Variants in PPP2R2C observed in about 807,000 individuals in gnomAD.
PPP2R2C encodes protein phosphatase 2, regulatory subunit B, gamma.
In PPP2R2C, 10 loss-of-function variants were observed where a neutral mutation model predicts 45.3. The observed-to-expected ratio is 0.22, with a 90% confidence interval of 0.14 to 0.37. PPP2R2C has a LOEUF of 0.37. PPP2R2C is among the 10% of genes least tolerant of loss of function. The pLI is 1.00. For missense variants in PPP2R2C, 308 were observed against 619.7 expected (o/e 0.50, Z 5.34); for synonymous variants, 257 against 245.4 (o/e 1.05, Z -0.44).
chr4:6,524,905 A>C (rs886220188), intron 2 of PPP2R2C, among the ~76,000 whole-genome samples: 8 of 151,982 alleles, frequency 5.3e-5, no homozygotes, highest in Non-Finnish European at 1.2e-4. Flanking sequence ...CCTGGGCAAC[A>C]TAGCAAGACC....
chr4:6,325,427 C>T (rs557008224), intron 8 of PPP2R2C, among the ~76,000 whole-genome samples: 1 of 152,288 alleles, frequency 6.6e-6, no homozygotes, highest in East Asian at 1.9e-4. Flanking sequence ...AGGGCCCTGC[C>T]CAGGCGCCAC....
chr4:6,411,007 A>G (rs1368227149), intron 1 of PPP2R2C, among the ~76,000 whole-genome samples: 2 of 152,024 alleles, frequency 1.3e-5, no homozygotes, highest in African/African-American at 4.8e-5. Context: ...AGTAGCTGGG[A>G]CTACAGGCGC....
intron 2 of PPP2R2C, among the ~76,000 whole-genome samples, chr4:6,480,336 C>A (rs911224364): frequency 1.3e-5 from 2 of 152,086 alleles, no homozygotes; most frequent in African/African-American, 4.8e-5. Context: ...AATGGTGTGC[C>A]GGAGCTTGCC....
intron 1 of PPP2R2C, among the ~76,000 whole-genome samples, chr4:6,451,075 C>A (rs1720710646): frequency 1.3e-5 from 2 of 152,246 alleles, no homozygotes; most frequent in African/African-American, 4.8e-5. Context: ...ACCACCCAAG[C>A]TGGTCAGGCG....
chr4:6,457,048 A>G (rs1721077842), intron 1 of PPP2R2C, among the ~76,000 whole-genome samples: 1 of 152,110 alleles, frequency 6.6e-6, no homozygotes, highest in Non-Finnish European at 1.5e-5. Context: ...GTCTCTACTA[A>G]AAATACAAAA....
chr4:6,415,296 C>T (rs1283825909), intron 1 of PPP2R2C, among the ~76,000 whole-genome samples: 4 of 152,364 alleles, frequency 2.6e-5, no homozygotes, highest in South Asian at 2.1e-4. Context: ...GTCAGACCAC[C>T]GGCCGTTTCA....
intron 2 of PPP2R2C, among the ~76,000 whole-genome samples, chr4:6,525,203 G>A (rs1202626313): frequency 1.3e-5 from 2 of 152,128 alleles, no homozygotes; most frequent in Admixed American, 6.5e-5. Context: ...TCAGGAGTTC[G>A]AGGCCAGCCT....
intron 1 of PPP2R2C, among the ~76,000 whole-genome samples, chr4:6,414,784 C>T (rs776883539): frequency 5.8e-4 from 89 of 152,140 alleles, no homozygotes; most frequent in Non-Finnish European, 1.0e-3. Flanking sequence ...ATCACTCCTT[C>T]CTGGCTGTGC....
chr4:6,460,350 G>A lies in PPP2R2C; in HGVS notation c.70+11810C>T, dbSNP rs974487937. On this transcript the variant is annotated intron_variant, in intron 1 of 8. Transcript: ENST00000382599. ...CCATGTGAAGACACAGTAGGGAGAT[G>A]TTCATCTATAAGCCAAGGAGAGGGG... Among the ~76,000 whole-genome samples, 5 of 152,176 alleles carry A rather than the reference G, an allele frequency of 3.3e-5. No individual in the cohort carries two copies. The East Asian group carries it at 9.6e-4, about 29-fold the overall frequency.
At chr4:6,456,440 G>A (rs919361252) in intron 1 of PPP2R2C, among the ~76,000 whole-genome samples, 2 of 152,056 alleles carry the variant, frequency 1.3e-5, no homozygotes, top group African/African-American at 2.4e-5. Context: ...AGAGTCTGAC[G>A]ATATGGGACA....
intron 2 of PPP2R2C, among the ~76,000 whole-genome samples, chr4:6,492,217 C>T (rs1011958639): frequency 3.9e-5 from 6 of 152,208 alleles, no homozygotes; most frequent in African/African-American, 1.4e-4. Flanking sequence ...CAGCCAGTAG[C>T]AGCTCCAAGG....
chr4:6,527,368 G>T (rs936046719), intron 2 of PPP2R2C, among the ~76,000 whole-genome samples: 2 of 152,152 alleles, frequency 1.3e-5, no homozygotes, highest in East Asian at 3.9e-4. Flanking sequence ...CCACAGAGCT[G>T]CTGTGCACCC....
At chr4:6,538,666 G>T (rs910793428) in intron 1 of PPP2R2C, among the ~76,000 whole-genome samples, 1 of 152,250 alleles carries the variant, frequency 6.6e-6, no homozygotes, top group African/African-American at 2.4e-5. Context: ...GGGGCTCAGG[G>T]TTCAGGCTTG....
Position 6,324,696 on chromosome 4 carries a change from A to G in PPP2R2C, c.1053-1103T>C, listed in dbSNP as rs1731813109. ...GGCTCGCTGCCCTCACCGTCCCGCT[A>G]AAGAGAATTCCACACCATTTCTCTG... is the stretch of plus-strand genomic sequence containing the variant. On this transcript the variant is annotated intron_variant, in intron 8 of 8. Coordinates refer to ENST00000382599, the MANE Select transcript of PPP2R2C (RefSeq NM_020416.4). The surrounding 1 kb of genome is among the most constrained non-coding windows in gnomAD (Gnocchi z 4.1). Among the ~76,000 whole-genome samples, 1 of 152,176 alleles carries G rather than the reference A, an allele frequency of 6.6e-6. No homozygotes were observed. The highest frequency in any genetic ancestry group is 2.1e-4 in the South Asian group (1 of 4,828).
chr4:6,534,487 C>T (rs931386222), intron 2 of PPP2R2C, among the ~76,000 whole-genome samples: 7 of 151,688 alleles, frequency 4.6e-5, no homozygotes, highest in Admixed American at 4.6e-4. Context: ...CATACTCCAA[C>T]AGTCACACCA....
intron 1 of PPP2R2C, among the ~76,000 whole-genome samples, chr4:6,465,181 G>GAAA (rs75238697): frequency 2.0e-4 from 30 of 151,478 alleles, no homozygotes; most frequent in African/African-American, 3.6e-4. Flanking sequence ...AAACCTGTAG[G>GAAA]AAAAAAAAGA....
rs192987012 is a variant in PPP2R2C, at chr4:6,423,506, C to A, written c.71-42412G>T. 2.5e-3 allele frequency among the ~76,000 whole-genome samples: 377 copies of A among 152,318 alleles called. 2 individuals are homozygous for A. The highest frequency in any genetic ancestry group is 8.7e-3 in the African/African-American group (361 of 41,558). On this transcript the variant is annotated intron_variant, in intron 1 of 8. Coordinates refer to ENST00000382599, the MANE Select transcript of PPP2R2C (RefSeq NM_020416.4). ...GGCATTAGCCACCACACCCGGCCCC[C>A]ACTAGGGATATTTTGGAAACCAAGA...
In PPP2R2C at chr4:6,472,294, C is replaced by T. The variant is rs919122733; in HGVS notation, c.-65G>A. On this transcript the variant is annotated 5_prime_UTR_variant, in exon 1 of 9. Coordinates refer to ENST00000382599, the MANE Select transcript of PPP2R2C (RefSeq NM_020416.4). ...ACACACCGATGCAATCCGCAGAGGT[C>T]GCGCCGGGCGCGCGGGCCATGCCGC... is the stretch of plus-strand genomic sequence containing the variant. 4.4e-6 allele frequency: 7 copies of T among 1,592,814 alleles called. No homozygotes were observed. The African/African-American group carries it at 5.4e-5, about 12-fold the overall frequency.
At chr4:6,349,735 C>T in intron 5 of PPP2R2C, 1 of 628,294 alleles carries the variant, frequency 1.6e-6, no homozygotes, top group Non-Finnish European at 1.9e-6. Flanking sequence ...AACCCCATCT[C>T]TACTAAAAAA....
Sources: gnomAD v4.1 joint callset for allele counts (sites outside exome capture counted in the v4.1 genomes callset) on GRCh38, gnomAD v4.1.1 for gene constraint, Gnocchi (gnomAD v3.1) non-coding constraint, MANE v1.5 for transcripts, NCBI Gene and HGNC (gene_info 2026-07-23, HGNC 2026-07-21) for gene names.